Variants in ST6GAL2 observed in about 807,000 individuals in gnomAD.
ST6GAL2 encodes beta-galactoside alpha-2,6-sialyltransferase 2.
A neutral mutation model predicts 37.5 loss-of-function variants in ST6GAL2; 24 were observed. The observed-to-expected ratio is 0.64, with a 90% CI of 0.46 to 0.90. The LOEUF (loss-of-function observed/expected upper bound fraction) is 0.90, where lower values mean the gene tolerates loss of function less well. Among genes scored for constraint, ST6GAL2 ranks in the 40% least tolerant of loss-of-function variants. ST6GAL2 has a pLI of 0.00. For missense variants in ST6GAL2, 715 were observed against 712.7 expected (o/e 1.00, Z -0.04); for synonymous variants, 306 against 295.1 (o/e 1.04, Z -0.38).
intron 5 of ST6GAL2, among the ~76,000 whole-genome samples, chr2:106,826,661 T>C (rs1676220333): frequency 6.6e-6 from 1 of 152,048 alleles, no homozygotes; most frequent in Admixed American, 6.5e-5. Context: ...CAGGCCCAGG[T>C]GAATTGGGAA....
At chr2:106,832,799 G>C (rs948116776) in intron 3 of ST6GAL2, 133 bp from the exon 4 acceptor site, 18 of 692,320 alleles carry the variant, frequency 2.6e-5, no homozygotes, top group Non-Finnish European at 4.2e-5. Flanking sequence ...TCTTCTGGGG[G>C]AGGGAGAGAG....
chr2:106,810,408 C>T (rs192371343), intron 5 of ST6GAL2, among the ~76,000 whole-genome samples: 1 of 152,276 alleles, frequency 6.6e-6, no homozygotes, highest in Non-Finnish European at 1.5e-5. Flanking sequence ...GGTGTTTGTC[C>T]TGAGTTTTCT....
intron 5 of ST6GAL2, among the ~76,000 whole-genome samples, chr2:106,807,704 A>C (rs1675468436): frequency 6.6e-6 from 1 of 150,844 alleles, no homozygotes; most frequent in South Asian, 2.1e-4. Flanking sequence ...TCTCACTGCA[A>C]GCTCCCCCTT....
At chr2:106,836,445 T>C (rs1342570350) in intron 2 of ST6GAL2, among the ~76,000 whole-genome samples, 1 of 152,144 alleles carries the variant, frequency 6.6e-6, no homozygotes, top group African/African-American at 2.4e-5. Context: ...AATGAACTTT[T>C]TGTGCTCTGT....
At chr2:106,850,008 T>G (rs1194340562) in intron 1 of ST6GAL2, among the ~76,000 whole-genome samples, 1 of 152,222 alleles carries the variant, frequency 6.6e-6, no homozygotes. Context: ...GCACACGTTC[T>G]CAGGACTTCC....
At chr2:106,829,889 A>C in intron 5 of ST6GAL2, among the ~76,000 whole-genome samples, 177 bp downstream of exon 5, 1 of 145,960 alleles carries the variant, frequency 6.9e-6, no homozygotes, top group Middle Eastern at 3.2e-3. Context: ...CAATCGGTTA[A>C]ATATCTGCAA....
chr2:106,838,509 C>T (rs1200752856), intron 2 of ST6GAL2, among the ~76,000 whole-genome samples: 1 of 152,172 alleles, frequency 6.6e-6, no homozygotes. Context: ...TCTTGATGTA[C>T]TTCCCTTGCA....
At chr2:106,839,714 G>A (rs72828118) in intron 2 of ST6GAL2, among the ~76,000 whole-genome samples, 170 of 152,176 alleles carry the variant, frequency 1.1e-3, no homozygotes, top group Non-Finnish European at 2.1e-3. Flanking sequence ...ACAGATCTTG[G>A]TTTCCCACAT....
chr2:106,825,612 A>G (rs1676171357), intron 5 of ST6GAL2, among the ~76,000 whole-genome samples: 1 of 152,282 alleles, frequency 6.6e-6, no homozygotes, highest in African/African-American at 2.4e-5. Flanking sequence ...ACATTCATTC[A>G]TTCACCAAGT....
chr2:106,849,131 G>C (rs1677257835), intron 1 of ST6GAL2, among the ~76,000 whole-genome samples: 1 of 152,152 alleles, frequency 6.6e-6, no homozygotes, highest in African/African-American at 2.4e-5. Flanking sequence ...CCAGCCTCAA[G>C]CTTTGCGCTC....
chr2:106,840,236 C>T (rs1168017244), intron 2 of ST6GAL2, among the ~76,000 whole-genome samples: 1 of 152,194 alleles, frequency 6.6e-6, no homozygotes, highest in Non-Finnish European at 1.5e-5. Context: ...AGCCAATTCA[C>T]AAGTAGATGC....
chr2:106,842,706 G>A (rs1461555279), intron 2 of ST6GAL2, among the ~76,000 whole-genome samples: 1 of 152,190 alleles, frequency 6.6e-6, no homozygotes. Context: ...AGTCTGAACA[G>A]TGAGAAGGAC....
At chr2:106,842,960 G>T in intron 2 of ST6GAL2, 75 bp downstream of exon 2, 2 of 1,136,238 alleles carry the variant, frequency 1.8e-6, no homozygotes, top group South Asian at 3.0e-5. Flanking sequence ...ATCCAGAGGC[G>T]CGCTCAGAAA....
rs186160936 is a variant in ST6GAL2, at chr2:106,829,988, C to A, written c.1318+78G>T. 3.8e-5 allele frequency: 52 copies of A among 1,359,332 alleles called. No individual in the cohort carries two copies. The African/African-American group carries it at 7.1e-4, about 19-fold the overall frequency. The allele number at this position is 1,359,332 out of a possible 1,614,324, so 84.2% of individuals were successfully genotyped here. A position where few individuals can be genotyped will look rare whatever the true frequency, so the allele number is the denominator to read the frequency against. Reference sequence around the variant, plus strand: ...GATAAGGTATTTTCAACCTGTATAACACGACTGTATATTTGTTAAATATTA... The same window carrying A: ...GATAAGGTATTTTCAACCTGTATAAAACGACTGTATATTTGTTAAATATTA... On this transcript the variant is annotated intron_variant, in intron 5 of 5. Coordinates refer to ENST00000409382, the MANE Select transcript of ST6GAL2 (RefSeq NM_001142351.2).
chr2:106,809,401 T>C (rs981779457), intron 5 of ST6GAL2, among the ~76,000 whole-genome samples: 1 of 152,236 alleles, frequency 6.6e-6, no homozygotes, highest in African/African-American at 2.4e-5. Flanking sequence ...CTTTGCTACT[T>C]GGGCATTTCT....
At chr2:106,832,687 C>T (rs772242418) in intron 3 of ST6GAL2, 21 bp from the exon 4 acceptor site, 3 of 1,466,632 alleles carry the variant, frequency 2.0e-6, no homozygotes, top group Non-Finnish European at 1.9e-6. Context: ...ACAGAAAAAC[C>T]ATTTCAAAGC....
intron 5 of ST6GAL2, among the ~76,000 whole-genome samples, chr2:106,809,361 G>A (rs1675529552): frequency 6.6e-6 from 1 of 152,220 alleles, no homozygotes; most frequent in African/African-American, 2.4e-5. Flanking sequence ...GTATAACCTA[G>A]CAGTGGAACT....
chr2:106,874,232 C>A (rs1039983192), intron 1 of ST6GAL2, among the ~76,000 whole-genome samples: 13 of 152,144 alleles, frequency 8.5e-5, no homozygotes, highest in African/African-American at 3.1e-4. Flanking sequence ...CAAGTAGGGA[C>A]CATTAAATCA....
intron 1 of ST6GAL2, among the ~76,000 whole-genome samples, chr2:106,849,701 A>G: frequency 6.6e-6 from 1 of 152,134 alleles, no homozygotes; most frequent in East Asian, 1.9e-4. Context: ...ATCCTCTCTG[A>G]AGGACACTAC....
Sources: gnomAD v4.1 joint callset for allele counts (sites outside exome capture counted in the v4.1 genomes callset) on GRCh38, gnomAD v4.1.1 for gene constraint, MANE v1.5 for transcripts, NCBI Gene and HGNC (gene_info 2026-07-23, HGNC 2026-07-21) for gene names.